The following MTUS2 variants were observed in gnomAD, a reference collection of about 807,000 sequenced individuals.
The protein encoded by MTUS2 is microtubule associated scaffold protein 2, also known as microtubule-associated tumor suppressor candidate 2.
MTUS2 carries 40 observed loss-of-function variants against 114.1 expected under a neutral mutation model. The observed-to-expected ratio is 0.35, with a 90% CI of 0.27 to 0.46. MTUS2 has a LOEUF of 0.46. Ranked by LOEUF, MTUS2 falls within the 20% of genes least tolerant of loss-of-function variation. The pLI is 1.00. For synonymous variants in MTUS2, 688 were observed against 672.0 expected, an observed-to-expected ratio of 1.02 and a Z score of -0.37; for missense variants, 1,679 against 1,705.4, an observed-to-expected ratio of 0.98 and a Z score of 0.27.
intron 8 of MTUS2, among the ~76,000 whole-genome samples, chr13:29,431,980 GACC>G (rs1877022759): frequency 6.6e-6 from 1 of 150,818 alleles, no homozygotes; most frequent in African/African-American, 2.4e-5. Flanking sequence ...AAGTAGCTGG[GACC>G]ACAAGTGTGC....
chr13:28,930,982 T>G (rs750742005), intron 2 of MTUS2, among the ~76,000 whole-genome samples: 1 of 152,232 alleles, frequency 6.6e-6, no homozygotes, highest in African/African-American at 2.4e-5. Context: ...TGGGCAGACC[T>G]GGAGTCAGGT....
At chr13:28,915,049 C>A (rs1465637262) in intron 2 of MTUS2, among the ~76,000 whole-genome samples, 1 of 151,766 alleles carries the variant, frequency 6.6e-6, no homozygotes, top group Non-Finnish European at 1.5e-5. Flanking sequence ...ATCCAGCTTG[C>A]CATTCTTTGT....
intron 2 of MTUS2, among the ~76,000 whole-genome samples, chr13:28,855,792 A>T (rs1445730153): frequency 2.0e-5 from 3 of 152,110 alleles, no homozygotes; most frequent in African/African-American, 7.2e-5. Context: ...ATATACTAGT[A>T]ATGGGATTGC....
At chr13:29,112,684 G>A (rs1890928064) in intron 5 of MTUS2, among the ~76,000 whole-genome samples, 2 of 152,138 alleles carry the variant, frequency 1.3e-5, no homozygotes, top group African/African-American at 4.8e-5. Context: ...GAAAGCAAGT[G>A]AGAATAGTAG....
At chr13:29,171,141 A>T (rs76464970) in intron 5 of MTUS2, among the ~76,000 whole-genome samples, 51 of 150,280 alleles carry the variant, frequency 3.4e-4, no homozygotes, top group African/African-American at 6.9e-4. Context: ...AGAGAGAGAG[A>T]GTGTGTGTGT....
chr13:29,470,263 A>G (rs892846339), intron 9 of MTUS2, among the ~76,000 whole-genome samples: 1 of 152,204 alleles, frequency 6.6e-6, no homozygotes. Context: ...TACTATCACT[A>G]ATCATGAAAG....
rs768286990 is a variant in MTUS2 at position 29,175,064 on chromosome 13, A to G, written c.2644+74094A>G. 7.2e-5 allele frequency among the ~76,000 whole-genome samples: 11 copies of G among 152,220 alleles called. No individual in the cohort carries two copies. The South Asian group carries it at 8.3e-4, about 11-fold the overall frequency. ...TATTTAAGTCTTATACATAACCAGG[A>G]TCTGAGAATCTTATTCTCGAGGCTC... On this transcript the variant is annotated intron_variant, in intron 5 of 15. Transcript: ENST00000612955.
chr13:29,412,246 C>T (rs535517185), intron 8 of MTUS2, among the ~76,000 whole-genome samples: 1 of 152,284 alleles, frequency 6.6e-6, no homozygotes, highest in South Asian at 2.1e-4. Flanking sequence ...GGTGTTTTAT[C>T]AAGTTAAGAA....
chr13:28,901,354 CTT>C (rs1243715521), intron 2 of MTUS2, among the ~76,000 whole-genome samples: 2 of 152,110 alleles, frequency 1.3e-5, no homozygotes, highest in Non-Finnish European at 2.9e-5. Context: ...CTGAGCAAAA[CTT>C]TTTAATTTTG....
intron 9 of MTUS2, among the ~76,000 whole-genome samples, chr13:29,453,310 A>G (rs1878870013): frequency 6.6e-6 from 1 of 152,210 alleles, no homozygotes; most frequent in African/African-American, 2.4e-5. Context: ...TTTCTCGTGA[A>G]CCTCTTATTT....
chr13:28,974,289 ATTAAT>A (rs1297280753), intron 2 of MTUS2, among the ~76,000 whole-genome samples: 2 of 152,214 alleles, frequency 1.3e-5, no homozygotes, highest in Admixed American at 1.3e-4. Flanking sequence ...ATTTTTAAAA[ATTAAT>A]TTAATCTTGT....
chr13:29,075,742 T>A (rs1889164447), intron 4 of MTUS2, among the ~76,000 whole-genome samples: 1 of 152,188 alleles, frequency 6.6e-6, no homozygotes, highest in South Asian at 2.1e-4. Flanking sequence ...ACCCAAGGAT[T>A]TTAGTCACAC....
intron 2 of MTUS2, among the ~76,000 whole-genome samples, chr13:28,855,743 A>G (rs1259643109): frequency 6.6e-6 from 1 of 152,162 alleles, no homozygotes; most frequent in Non-Finnish European, 1.5e-5. Flanking sequence ...ATACACATGC[A>G]TGTATCTTTG....
intron 5 of MTUS2, among the ~76,000 whole-genome samples, chr13:29,271,061 A>G (rs1361847624): frequency 6.6e-6 from 1 of 152,272 alleles, no homozygotes; most frequent in Admixed American, 6.5e-5. Context: ...TCTTTATTTC[A>G]AATTCTTCTG....
intron 5 of MTUS2, among the ~76,000 whole-genome samples, chr13:29,159,547 C>T (rs1893007166): frequency 6.6e-6 from 1 of 151,876 alleles, no homozygotes; most frequent in South Asian, 2.1e-4. Flanking sequence ...GCAAAATACC[C>T]TAAGAGGATG....
At chr13:29,317,671 C>T in intron 6 of MTUS2, among the ~76,000 whole-genome samples, 1 of 11,256 alleles carries the variant, frequency 8.9e-5, no homozygotes, top group Non-Finnish European at 2.6e-4. Flanking sequence ...ATCTCCTGAC[C>T]TCGTGATCCA....
At chr13:29,490,442 T>C (rs1208230862) in intron 11 of MTUS2, among the ~76,000 whole-genome samples, 3 of 152,256 alleles carry the variant, frequency 2.0e-5, no homozygotes, top group Admixed American at 6.5e-5. Context: ...ATTGCTTGTG[T>C]AGCCAGAATG....
At chr13:29,331,748 A>G (rs1900788434) in intron 7 of MTUS2, among the ~76,000 whole-genome samples, 1 of 152,212 alleles carries the variant, frequency 6.6e-6, no homozygotes, top group African/African-American at 2.4e-5. Context: ...TACCTAGTTT[A>G]TTGAGAGTTT....
chr13:29,400,834 T>C lies in MTUS2; in HGVS notation c.3118-39149T>C, dbSNP rs1874275581. 2.6e-5 allele frequency among the ~76,000 whole-genome samples: 4 copies of C among 152,336 alleles called. No homozygotes were observed. The South Asian group carries it at 8.3e-4, about 32-fold the overall frequency. Reference sequence around the variant, plus strand: ...TATACTTGTTAAGAATGTCAAATCTTTGCACTATGCTATTCCTCAAAGAGA... The same window carrying C: ...TATACTTGTTAAGAATGTCAAATCTCTGCACTATGCTATTCCTCAAAGAGA... On this transcript the variant is annotated intron_variant, in intron 8 of 15. Coordinates refer to ENST00000612955, the MANE Select transcript of MTUS2 (RefSeq NM_001033602.4).
Sources: allele counts gnomAD v4.1 joint callset (sites outside exome capture counted in the v4.1 genomes callset), GRCh38; gene constraint gnomAD v4.1.1; transcripts MANE v1.5; gene names NCBI Gene and HGNC (gene_info 2026-07-23, HGNC 2026-07-21).